Variants in RDH10 observed in about 807,000 individuals in gnomAD.
RDH10 encodes retinol dehydrogenase 10 (all-trans).
RDH10 carries 12 observed loss-of-function variants against 30.2 expected under a neutral mutation model. The ratio of observed to expected loss-of-function variants is 0.40; its 90% CI spans 0.25 to 0.64. RDH10 has a LOEUF of 0.64. Among genes scored for constraint, RDH10 ranks in the 30% least tolerant of loss-of-function variants. The pLI, the probability that RDH10 is intolerant of heterozygous loss-of-function variation, is 0.43. For missense variants in RDH10, 268 were observed against 445.2 expected, an observed-to-expected ratio of 0.60 and a Z score of 3.58; for synonymous variants, 189 against 172.2, an observed-to-expected ratio of 1.10 and a Z score of -0.76.
chr8:73,298,432 T>C (rs1001673706), intron 2 of RDH10, among the ~76,000 whole-genome samples: 1 of 152,252 alleles, frequency 6.6e-6, no homozygotes, highest in African/African-American at 2.4e-5. Flanking sequence ...TAAAAGTACT[T>C]ATTCAAATGT....
Position 73,315,404 on chromosome 8 carries a change from A to G in RDH10, c.526-3692A>G, listed in dbSNP as rs187455289. ...GTCACATTTTTTAGAATATGCAGCC[A>G]TACTACCCTCCTTATGGACAAACTG... is the stretch of plus-strand genomic sequence containing the variant. On this transcript the variant is annotated intron_variant, in intron 2 of 5. Coordinates refer to ENST00000240285, the MANE Select transcript of RDH10 (RefSeq NM_172037.5). The G allele has an allele frequency of 2.1e-3, 606 of 284,706 alleles. 3 individuals are homozygous for G. Among genetic ancestry groups the G allele is most frequent in the African/African-American group, 0.012 (526 of 45,692 alleles). 17.6% of individuals were successfully genotyped at this position (284,706 alleles called of 1,614,324 possible).
At chr8:73,322,195 A>G (rs1441064005) in intron 4 of RDH10, 2 of 354,778 alleles carry the variant, frequency 5.6e-6, no homozygotes, top group Non-Finnish European at 1.1e-5. Flanking sequence ...CCTTCATTTC[A>G]GGGGCCCCTA....
At chr8:73,305,118 CTGAA>C in intron 2 of RDH10, among the ~76,000 whole-genome samples, 1 of 152,346 alleles carries the variant, frequency 6.6e-6, no homozygotes, top group Non-Finnish European at 1.5e-5. Context: ...CTCAAAAAGA[CTGAA>C]TGCAGAGTGC....
Position 73,294,772 on chromosome 8 carries a change from G to A in RDH10, c.-518G>A. ...GCGAGTCTCCCCTTCCCGGCGCTCC[G>A]CCGCCCCGCACCCCACTCTCCCACC... On this transcript the variant is annotated 5_prime_UTR_variant, in exon 1 of 6. Coordinates refer to ENST00000240285, the MANE Select transcript of RDH10 (RefSeq NM_172037.5). 2 of 361,102 alleles carry A rather than the reference G, an allele frequency of 5.5e-6. No individual in the cohort carries two copies. The highest frequency in any genetic ancestry group is 5.0e-6 in the Non-Finnish European group (1 of 202,016). 22.4% of individuals were successfully genotyped at this position (361,102 alleles called of 1,614,324 possible).
At position 73,301,407 on chromosome 8, in the gene RDH10, A is replaced by G. The variant is rs1814372499; in HGVS notation, c.525+3978A>G. Among the ~76,000 whole-genome samples, 5 of 152,176 alleles carry G rather than the reference A, an allele frequency of 3.3e-5. No homozygotes were observed. In the South Asian group the frequency reaches 1.0e-3, roughly 32 times the overall value. On this transcript the variant is annotated intron_variant, in intron 2 of 5. Transcript: ENST00000240285. ...TTGATAATAATAGGCTTAAATATTT[A>G]GAAGATAACCTATTCAGAGAATACT...
At position 73,294,890 on chromosome 8, in the gene RDH10, G is replaced by C. The variant is rs1263328603; in HGVS notation, c.-400G>C. ...CACCCCTCCCCCGGGGTGAGAGGGA[G>C]CCGGCGCGCCGGTTCCGGGGACGCT... On this transcript the variant is annotated 5_prime_UTR_variant, in exon 1 of 6. Coordinates refer to ENST00000240285, the MANE Select transcript of RDH10 (RefSeq NM_172037.5). 7 of 394,258 alleles carry C rather than the reference G, an allele frequency of 1.8e-5. No individual in the cohort carries two copies. Among genetic ancestry groups the C allele is most frequent in the African/African-American group, 8.3e-5 (4 of 48,372 alleles). The allele number at this position is 394,258 out of a possible 1,614,324, so 24.4% of individuals were successfully genotyped here. A position where few individuals can be genotyped will look rare whatever the true frequency, so the allele number is the denominator to read the frequency against.
intron 3 of RDH10, among the ~76,000 whole-genome samples, chr8:73,320,256 A>T (rs770209651): frequency 3.3e-5 from 5 of 152,236 alleles, no homozygotes; most frequent in Admixed American, 6.5e-5. Context: ...TAAATTTTCC[A>T]GACACTTCAA....
chr8:73,315,565 C>T, intron 2 of RDH10: 1 of 455,238 alleles, frequency 2.2e-6, no homozygotes, highest in Non-Finnish European at 4.4e-6. Context: ...CTGTCACCTA[C>T]CTTGATGTGG....
intron 2 of RDH10, chr8:73,312,867 A>G (rs925914895): frequency 6.6e-6 from 1 of 152,226 alleles, no homozygotes; most frequent in African/African-American, 2.4e-5. Flanking sequence ...CAAATAAGAG[A>G]TAAACATTTC....
intron 3 of RDH10, among the ~76,000 whole-genome samples, chr8:73,320,677 G>A (rs1814755593): frequency 6.6e-6 from 1 of 151,876 alleles, no homozygotes; most frequent in African/African-American, 2.4e-5. Context: ...TCACCATTTT[G>A]GCCAGGCTGG....
chr8:73,297,616 C>A, intron 2 of RDH10, 187 bp downstream of exon 2: 1 of 550,014 alleles, frequency 1.8e-6, no homozygotes, highest in East Asian at 3.1e-5. Context: ...CGCCCACCCC[C>A]CCGCCACCCC....
At chr8:73,319,666 C>T (rs544290165) in intron 3 of RDH10, among the ~76,000 whole-genome samples, 70 of 152,322 alleles carry the variant, frequency 4.6e-4, no homozygotes, top group African/African-American at 1.6e-3. Flanking sequence ...CTTCACTTGA[C>T]GATGGCAGGA....
chr8:73,322,180 T>C, intron 4 of RDH10: 1 of 360,282 alleles, frequency 2.8e-6, no homozygotes, highest in Non-Finnish European at 5.5e-6. Flanking sequence ...AGGATGTCTA[T>C]ATACCCTTCA....
intron 1 of RDH10, chr8:73,296,867 A>G: frequency 2.9e-6 from 1 of 347,214 alleles, no homozygotes; most frequent in Non-Finnish European, 5.6e-6. Context: ...TTGTTCTCTG[A>G]GCTCTGGGCT....
chr8:73,301,037 C>G (rs1337424113), intron 2 of RDH10, among the ~76,000 whole-genome samples: 2 of 127,780 alleles, frequency 1.6e-5, no homozygotes, highest in African/African-American at 5.7e-5. Flanking sequence ...GAACAAAACT[C>G]TATTCTTTTT....
At chr8:73,296,159 T>C (rs958193906) in intron 1 of RDH10, among the ~76,000 whole-genome samples, 1 of 152,180 alleles carries the variant, frequency 6.6e-6, no homozygotes, top group Non-Finnish European at 1.5e-5. Flanking sequence ...GGATTTAGGC[T>C]TCGTTGTAAA....
intron 2 of RDH10, among the ~76,000 whole-genome samples, chr8:73,301,878 T>C (rs193002654): frequency 5.5e-4 from 84 of 152,340 alleles, no homozygotes; most frequent in Middle Eastern, 3.4e-3. Flanking sequence ...AACTTTCCAT[T>C]CTCCCTGTCC....
At chr8:73,303,074 CACTTA>C (rs372964081) in intron 2 of RDH10, among the ~76,000 whole-genome samples, 25 of 151,462 alleles carry the variant, frequency 1.7e-4, no homozygotes, top group Admixed American at 9.2e-4. Context: ...ATTAATAGAC[CACTTA>C]ACTTAAAAGG....
chr8:73,294,670 C>A lies in RDH10; in HGVS notation c.-620C>A. ...CGGAGCCCAGTGCCCGAGTGACACCCGCGGAGAGTGCAGGGCCGGGGAACG... is the reference window on the plus strand; with the variant it reads ...CGGAGCCCAGTGCCCGAGTGACACCAGCGGAGAGTGCAGGGCCGGGGAACG... On this transcript the variant is annotated 5_prime_UTR_variant, in exon 1 of 6. Transcript: ENST00000240285. 2.8e-6 allele frequency: 1 copy of A among 358,538 alleles called. No individual in the cohort carries two copies. The highest frequency in any genetic ancestry group is 4.7e-5 in the Admixed American group (1 of 21,364). The allele number at this position is 358,538 out of a possible 1,614,324, so 22.2% of individuals were successfully genotyped here. A position where few individuals can be genotyped will look rare whatever the true frequency, so the allele number is the denominator to read the frequency against.
Sources: gnomAD v4.1 joint callset for allele counts (sites outside exome capture counted in the v4.1 genomes callset) on GRCh38, gnomAD v4.1.1 for gene constraint, MANE v1.5 for transcripts, NCBI Gene and HGNC (gene_info 2026-07-23, HGNC 2026-07-21) for gene names.